Variants in MIA2 observed in about 807,000 individuals in gnomAD.
MIA2 encodes the protein MIA SH3 domain ER export factor 2.
In MIA2, 127 loss-of-function variants were observed where a neutral mutation model predicts 167.8. That is an observed-to-expected ratio of 0.76 (90% CI 0.66 to 0.88). The LOEUF (loss-of-function observed/expected upper bound fraction) is 0.88, where lower values mean the gene tolerates loss of function less well. Ranked by LOEUF, MIA2 falls within the 40% of genes least tolerant of loss-of-function variation. The pLI is 0.00. For synonymous variants in MIA2, 552 were observed against 541.9 expected, an observed-to-expected ratio of 1.02 and a Z score of -0.26; for missense variants, 1,690 against 1,624.7, an observed-to-expected ratio of 1.04 and a Z score of -0.69.
intron 6 of MIA2, among the ~76,000 whole-genome samples, chr14:39,264,096 C>G (rs1200143954): frequency 6.6e-6 from 1 of 152,132 alleles, no homozygotes; most frequent in East Asian, 1.9e-4. Flanking sequence ...AGTCCTTGAC[C>G]TGCTCCCTTC....
intron 18 of MIA2, among the ~76,000 whole-genome samples, chr14:39,310,063 A>G (rs1230257779): frequency 6.6e-6 from 1 of 152,038 alleles, no homozygotes; most frequent in Non-Finnish European, 1.5e-5. Context: ...GTATTTGTGA[A>G]TTGACTTACT....
At position 39,247,196 on chromosome 14, in the gene MIA2, C is replaced by T. The variant is rs942254770; in HGVS notation, c.622C>T (p.Arg208Cys). The T allele has an allele frequency of 3.1e-6, 5 of 1,613,958 alleles. No homozygotes were observed. Among genetic ancestry groups the T allele is most frequent in the African/African-American group, 2.7e-5 (2 of 74,902 alleles). Reference protein sequence around the residue: ...EVVVESMEQDRIPEVHVPPSS... With the variant: ...EVVVESMEQDCIPEVHVPPSS... Reference sequence around the variant, plus strand: ...AGTTGTTGAAAGTATGGAACAGGATCGTATTCCAGAAGTGCATGTCCCACC... The same window carrying T: ...AGTTGTTGAAAGTATGGAACAGGATTGTATTCCAGAAGTGCATGTCCCACC... The change falls in exon 4 of 29, where the codon CGT becomes TGT. Residue 208 changes from arginine (R) to cysteine (C), a missense_variant. By Grantham distance (180) the Arg-to-Cys change is radical (BLOSUM62 -3). Transcript: ENST00000640607.
intron 3 of MIA2, 104 bp downstream of exon 3, chr14:39,240,751 T>C (rs1328581031): frequency 4.4e-6 from 3 of 681,850 alleles, no homozygotes; most frequent in Non-Finnish European, 7.4e-6. Context: ...TTATAGTAAA[T>C]GCATAAAATA....
chr14:39,275,691 CT>C (rs1164855366), intron 6 of MIA2, among the ~76,000 whole-genome samples: 12 of 152,150 alleles, frequency 7.9e-5, no homozygotes, highest in African/African-American at 2.9e-4. Flanking sequence ...GTGAAGAAAA[CT>C]TTTCTTCCTG....
Position 39,234,214 on chromosome 14 carries a change from G to C in MIA2, c.100G>C (p.Asp34His), listed in dbSNP as rs780067652. The change falls in exon 1 of 29, where the codon GAC (aspartate) becomes CAC (histidine). Residue 34 changes from aspartate (D) to histidine (H), a missense_variant. By Grantham distance (81) the Asp-to-His change is moderately conservative. Transcript: ENST00000640607. ...KLLADLKKCG[D>H]LECEALINRV... ...GCTGGCAGACCTTAAAAAATGTGGT[G>C]ACTTGGAATGTGAAGGTAAGTTTGC... 15 of 1,605,344 alleles carry C rather than the reference G, an allele frequency of 9.3e-6. No homozygotes were observed. Among genetic ancestry groups the C allele is most frequent in the Non-Finnish European group, 1.3e-5 (15 of 1,175,774 alleles).
Position 39,248,019 on chromosome 14 carries a change from C to A in MIA2, c.1445C>A (p.Pro482His). 1.3e-6 allele frequency: 2 copies of A among 1,572,944 alleles called. No individual in the cohort carries two copies. The highest frequency in any genetic ancestry group is 8.6e-7 in the Non-Finnish European group (1 of 1,168,798). The change falls in exon 4 of 29, where the codon CCC becomes CAC. Residue 482 changes from proline (P) to histidine (H), a missense_variant. Pro to His is a moderately conservative substitution (Grantham distance 77). Coordinates refer to ENST00000640607, the MANE Select transcript of MIA2 (RefSeq NM_001329214.4). ...NIPKETELPFPKQILDQNNVI... is the reference protein window; with the variant it reads ...NIPKETELPFHKQILDQNNVI... ...CCAAAGGAAACAGAATTGCCATTTCCCAAACAGATACTGGATCAAAATAAT... is the reference window on the plus strand; with the variant it reads ...CCAAAGGAAACAGAATTGCCATTTCACAAACAGATACTGGATCAAAATAAT...
At chr14:39,359,083 A>C (rs2074609532) in intron 23 of MIA2, among the ~76,000 whole-genome samples, 1 of 152,204 alleles carries the variant, frequency 6.6e-6, no homozygotes, top group Non-Finnish European at 1.5e-5. Context: ...CAAAGCTGTC[A>C]GACAGGGACA....
intron 24 of MIA2, among the ~76,000 whole-genome samples, chr14:39,326,484 G>C (rs1382099516): frequency 2.0e-5 from 3 of 151,984 alleles, no homozygotes; most frequent in Non-Finnish European, 2.9e-5. Context: ...AAATACTTTA[G>C]TAGCAAAATT....
rs555226252 is a variant in MIA2, at chr14:39,236,385, G to C, written c.116-537G>C. On this transcript the variant is annotated intron_variant, in intron 1 of 28. Transcript: ENST00000640607. ...AATAAGGAAGAGGATTTTGCAGTGAGAAGAACCTCAGGGCAAATTGGGCTC... is the reference window on the plus strand; with the variant it reads ...AATAAGGAAGAGGATTTTGCAGTGACAAGAACCTCAGGGCAAATTGGGCTC... Among the ~76,000 whole-genome samples, 77 of 152,252 alleles carry C rather than the reference G, an allele frequency of 5.1e-4. 2 individuals carry two copies. The South Asian group carries it at 0.015, about 30-fold the overall frequency.
At chr14:39,302,094 A>C in intron 14 of MIA2, 35 bp from the exon 15 acceptor site, 1 of 1,605,766 alleles carries the variant, frequency 6.2e-7, no homozygotes, top group Non-Finnish European at 8.5e-7. Flanking sequence ...ATAAGGCATT[A>C]CCCTCTCTAT....
intron 6 of MIA2, 21 bp downstream of exon 6, chr14:39,253,192 T>A: frequency 6.2e-7 from 1 of 1,606,354 alleles, no homozygotes; most frequent in Non-Finnish European, 8.5e-7. Context: ...CTTTTAAACC[T>A]TTTGCAATAA....
At chr14:39,345,272 C>A (rs1231655217) in intron 25 of MIA2, among the ~76,000 whole-genome samples, 1 of 152,040 alleles carries the variant, frequency 6.6e-6, no homozygotes, top group Admixed American at 6.6e-5. Context: ...CAGGGTTTCA[C>A]CATGTTGGCC....
At chr14:39,303,444 C>G in intron 15 of MIA2, 34 bp from the exon 16 acceptor site, 2 of 1,556,300 alleles carry the variant, frequency 1.3e-6, no homozygotes, top group Non-Finnish European at 1.8e-6. Context: ...ACTATTTTCC[C>G]AAATCATTGT....
chr14:39,385,885 C>T, intron 23 of MIA2: 1 of 936,978 alleles, frequency 1.1e-6, no homozygotes, highest in Non-Finnish European at 1.8e-6. Context: ...AGCTCCCTTT[C>T]AAGAAAAAAG....
At chr14:39,373,323 A>G (rs2074985231) in intron 23 of MIA2, among the ~76,000 whole-genome samples, 1 of 148,112 alleles carries the variant, frequency 6.8e-6, no homozygotes, top group Non-Finnish European at 1.5e-5. Flanking sequence ...AAAAAAAAAA[A>G]GCATGCCACT....
At chr14:39,372,272 G>A (rs990340350) in intron 23 of MIA2, among the ~76,000 whole-genome samples, 4 of 151,998 alleles carry the variant, frequency 2.6e-5, no homozygotes, top group African/African-American at 9.7e-5. Flanking sequence ...CACTTGCTGA[G>A]TAGTATTGAC....
intron 10 of MIA2, 34 bp from the exon 11 acceptor site, chr14:39,293,235 TTA>T: frequency 7.3e-7 from 1 of 1,367,520 alleles, no homozygotes; most frequent in Non-Finnish European, 1.0e-6. Flanking sequence ...TGAAAAATTC[TTA>T]TATCTGTTTA....
intron 23 of MIA2, among the ~76,000 whole-genome samples, chr14:39,359,426 C>A (rs893667262): frequency 6.6e-6 from 1 of 152,106 alleles, no homozygotes; most frequent in Non-Finnish European, 1.5e-5. Context: ...GTGGGAGTGA[C>A]CCGATTTTCC....
chr14:39,266,054 T>C, intron 6 of MIA2: 5 of 985,474 alleles, frequency 5.1e-6, no homozygotes, highest in Non-Finnish European at 6.0e-6. Flanking sequence ...GGGCCAGTTT[T>C]TGATTTTTTA....
Sources: gnomAD v4.1 joint callset for allele counts (sites outside exome capture counted in the v4.1 genomes callset) on GRCh38, gnomAD v4.1.1 for gene constraint, MANE v1.5 for transcripts, NCBI Gene and HGNC (gene_info 2026-07-23, HGNC 2026-07-21) for gene names.